MAST4: variants seen among roughly 807,000 people sequenced by gnomAD.
MAST4 encodes the protein microtubule associated serine/threonine kinase family member 4, also known as microtubule-associated serine/threonine-protein kinase 4.
A neutral mutation model predicts 162.7 loss-of-function variants in MAST4; 89 were observed. That is an observed-to-expected ratio of 0.55 (90% confidence interval 0.46 to 0.65). MAST4 has a LOEUF of 0.65. MAST4 is among the 30% of genes least tolerant of loss of function. MAST4 has a pLI of 0.00. For missense variants in MAST4, 3,153 were observed against 3,374.0 expected, an observed-to-expected ratio of 0.93 and a Z score of 1.62; for synonymous variants, 1,479 against 1,361.1, an observed-to-expected ratio of 1.09 and a Z score of -1.91.
intron 1 of MAST4, among the ~76,000 whole-genome samples, chr5:66,630,536 G>T (rs1744729091): frequency 6.6e-6 from 1 of 151,948 alleles, no homozygotes; most frequent in Admixed American, 6.6e-5. Context: ...TTTAATATAG[G>T]TTATAAAACA....
chr5:66,849,216 G>T (rs895326797), intron 3 of MAST4, among the ~76,000 whole-genome samples: 4 of 152,102 alleles, frequency 2.6e-5, no homozygotes, highest in Non-Finnish European at 5.9e-5. Flanking sequence ...TGGAAATTTT[G>T]GGGGGTTCTG....
In MAST4 at chr5:67,094,118, T is replaced by TA. The variant is rs763371752; in HGVS notation, c.834-1477dup. 8.7e-6 allele frequency: 12 copies of TA among 1,384,160 alleles called. 1 individual carries two copies. In the South Asian group the frequency reaches 1.7e-4, roughly 19 times the overall value. The allele number at this position is 1,384,160 out of a possible 1,614,324, so 85.7% of individuals were successfully genotyped here. On this transcript the variant is annotated intron_variant, in intron 6 of 28. Transcript: ENST00000403625. ...TACATCTTACTTTGCTTCTTTTTTT[T>TA]AACATACTTGATTCATTTGTACTCC...
At chr5:66,950,673 C>T (rs1191426496) in intron 4 of MAST4, among the ~76,000 whole-genome samples, 1 of 152,138 alleles carries the variant, frequency 6.6e-6, no homozygotes, top group Non-Finnish European at 1.5e-5. Flanking sequence ...CCACATTTTG[C>T]TCACCTATTC....
At chr5:67,158,758 G>A (rs1254462221) in intron 26 of MAST4, among the ~76,000 whole-genome samples, 2 of 152,158 alleles carry the variant, frequency 1.3e-5, no homozygotes, top group Non-Finnish European at 2.9e-5. Context: ...TAATCAGCTG[G>A]GCACGGTAGC....
intron 4 of MAST4, among the ~76,000 whole-genome samples, chr5:66,916,530 A>T (rs901862888): frequency 6.6e-6 from 1 of 152,250 alleles, no homozygotes; most frequent in Admixed American, 6.5e-5. Flanking sequence ...CTAGTGAAAC[A>T]GCACAAAGTT....
At chr5:67,051,924 G>C (rs963030326) in intron 4 of MAST4, among the ~76,000 whole-genome samples, 1 of 152,108 alleles carries the variant, frequency 6.6e-6, no homozygotes, top group Non-Finnish European at 1.5e-5. Flanking sequence ...TGTTGAGAGA[G>C]ATCCCAGAAA....
intron 4 of MAST4, among the ~76,000 whole-genome samples, chr5:66,936,872 T>C (rs760832642): frequency 2.0e-5 from 3 of 152,200 alleles, no homozygotes; most frequent in Non-Finnish European, 4.4e-5. Flanking sequence ...AAAATTTCTT[T>C]TCCCAGCATC....
chr5:66,639,278 T>TTTGTG (rs375120511), intron 1 of MAST4, among the ~76,000 whole-genome samples: 2 of 138,624 alleles, frequency 1.4e-5, no homozygotes, highest in Non-Finnish European at 1.6e-5. Context: ...GAGAGGCAGC[T>TTTGTG]TGTGTGTGTG....
intron 3 of MAST4, among the ~76,000 whole-genome samples, chr5:66,816,974 A>T (rs1288842888): frequency 1.3e-5 from 2 of 152,116 alleles, no homozygotes; most frequent in Non-Finnish European, 2.9e-5. Context: ...GACTCTGTTC[A>T]CCTCGTCTCT....
chr5:67,031,759 C>CTGAAG lies in MAST4; in HGVS notation c.675-22640_675-22636dup, dbSNP rs1755355789. 2.0e-5 allele frequency among the ~76,000 whole-genome samples: 3 copies of CTGAAG among 152,286 alleles called. No individual in the cohort carries two copies. The South Asian group carries it at 6.2e-4, about 32-fold the overall frequency. Reference sequence around the variant, plus strand: ...GAGTTTCTAAAGATGGGGGACTTCTCTGAAGTGAATATTCCTGTCAGGCCT... The same window carrying CTGAAG: ...GAGTTTCTAAAGATGGGGGACTTCTCTGAAGTGAAGTGAATATTCCTGTCAGGCCT... On this transcript the variant is annotated intron_variant, in intron 4 of 28. Coordinates refer to ENST00000403625, the MANE Select transcript of MAST4 (RefSeq NM_001164664.2).
At chr5:66,722,280 A>G (rs1052894398) in intron 1 of MAST4, among the ~76,000 whole-genome samples, 20 of 152,078 alleles carry the variant, frequency 1.3e-4, no homozygotes, top group African/African-American at 4.3e-4. Context: ...TAGATGTGCC[A>G]TGCTCTTGCC....
At chr5:67,035,546 A>G (rs193264982) in intron 4 of MAST4, among the ~76,000 whole-genome samples, 77 of 152,278 alleles carry the variant, frequency 5.1e-4, no homozygotes, top group Admixed American at 2.4e-3. Context: ...CACAGAAACC[A>G]GGAATCACTT....
Position 66,682,562 on chromosome 5 carries a change from A to G in MAST4, c.364-77147A>G, listed in dbSNP as rs111686109. Among the ~76,000 whole-genome samples the G allele has an allele frequency of 8.8e-3, 1,336 of 152,340 alleles. 20 individuals are homozygous for G. Among genetic ancestry groups the G allele is most frequent in the African/African-American group, 0.031 (1,270 of 41,570 alleles). On this transcript the variant is annotated intron_variant, in intron 1 of 28. Coordinates refer to ENST00000403625, the MANE Select transcript of MAST4 (RefSeq NM_001164664.2). ...GGAAAAGAGGACAGTAGTAAGGACT[A>G]TCCTTAGAACTGTTATGTTAGATAA...
chr5:66,684,690 A>G (rs774179441), intron 1 of MAST4, among the ~76,000 whole-genome samples: 15 of 152,240 alleles, frequency 9.9e-5, no homozygotes, highest in Non-Finnish European at 2.1e-4. Flanking sequence ...GGCTATAAGC[A>G]GAGAGATTTT....
chr5:67,105,310 T>A (rs1437624472), intron 10 of MAST4, among the ~76,000 whole-genome samples: 1 of 152,242 alleles, frequency 6.6e-6, no homozygotes, highest in Non-Finnish European at 1.5e-5. Context: ...TTTGCAAACA[T>A]AATTATAGAT....
At chr5:66,874,653 C>A (rs1348177678) in intron 3 of MAST4, among the ~76,000 whole-genome samples, 2 of 152,146 alleles carry the variant, frequency 1.3e-5, no homozygotes, top group African/African-American at 2.4e-5. Flanking sequence ...TTATATAAAC[C>A]TGCATATAAT....
chr5:67,029,516 C>G (rs1255536737), intron 4 of MAST4, among the ~76,000 whole-genome samples: 3 of 152,076 alleles, frequency 2.0e-5, no homozygotes. Context: ...ATTGAGGGAC[C>G]TTACCATTCT....
At chr5:66,751,093 T>G (rs2149592939) in intron 1 of MAST4, among the ~76,000 whole-genome samples, 2 of 151,852 alleles carry the variant, frequency 1.3e-5, no homozygotes, top group Admixed American at 6.5e-5. Context: ...GTCCTGTCTG[T>G]TGGAAGGAAA....
chr5:66,931,713 A>G (rs941739132), intron 4 of MAST4, among the ~76,000 whole-genome samples: 1 of 152,154 alleles, frequency 6.6e-6, no homozygotes, highest in Non-Finnish European at 1.5e-5. Context: ...TTTAGCTCAT[A>G]TTGAAGATAG....
Sources: allele counts gnomAD v4.1 joint callset (sites outside exome capture counted in the v4.1 genomes callset), GRCh38; gene constraint gnomAD v4.1.1; transcripts MANE v1.5; gene names NCBI Gene and HGNC (gene_info 2026-07-23, HGNC 2026-07-21).